The following UPF2 variants were observed in gnomAD, a reference collection of about 807,000 sequenced individuals.
UPF2 encodes the protein regulator of nonsense transcripts 2.
Under a neutral mutation model 141.4 loss-of-function variants are expected in UPF2, and 17 were observed. The observed-to-expected ratio is 0.12, with a 90% CI of 0.08 to 0.18. The LOEUF (loss-of-function observed/expected upper bound fraction) is 0.18, where lower values mean the gene tolerates loss of function less well. UPF2 is among the 10% of genes least tolerant of loss of function. UPF2 has a pLI of 1.00. For synonymous variants in UPF2, 540 were observed against 498.0 expected, an observed-to-expected ratio of 1.08 and a Z score of -1.12; for missense variants, 1,152 against 1,515.9, an observed-to-expected ratio of 0.76 and a Z score of 3.99.
Position 11,959,765 on chromosome 10 carries a change from A to G in UPF2, c.2185-409T>C, listed in dbSNP as rs1007673834. On this transcript the variant is annotated intron_variant, in intron 11 of 21. Coordinates refer to ENST00000357604, the MANE Select transcript of UPF2 (RefSeq NM_015542.4). This position sits in a 1 kb window ranked among gnomAD's most constrained non-coding sequence, Gnocchi z 5.9. ...AGCAAGACCCTGTCTCTTAAAAAAA[A>G]CAAAACAAAAACACACAGAGAGGTG... Among the ~76,000 whole-genome samples, 6 of 152,178 alleles carry G rather than the reference A, an allele frequency of 3.9e-5. No individual in the cohort carries two copies. Among genetic ancestry groups the G allele is most frequent in the African/African-American group, 1.4e-4 (6 of 41,434 alleles).
chr10:11,950,330 ATACTGTAT>A (rs1412697230), intron 15 of UPF2, among the ~76,000 whole-genome samples: 5 of 152,198 alleles, frequency 3.3e-5, no homozygotes, highest in Admixed American at 3.3e-4. Flanking sequence ...CAAAGGCACA[ATACTGTAT>A]TATCTTTTGG....
At position 11,955,301 on chromosome 10, in the gene UPF2, G is replaced by A. The variant is rs142351390; in HGVS notation, c.2781C>T (p.Asp927=). Reference sequence around the variant, plus strand: ...CTCTGTCAAAGTACTGGCCACATGTGTCCAGAATAGTGCATACGAGTCTAA... The same window carrying A: ...CTCTGTCAAAGTACTGGCCACATGTATCCAGAATAGTGCATACGAGTCTAA... The part of the protein sequence containing the change: ...FRIRLVCTIL[D]TCGQYFDRGS... Residue 927 remains aspartate (D), a synonymous_variant, in exon 14 of 22, where the codon GAC becomes GAT. Coordinates refer to ENST00000357604, the MANE Select transcript of UPF2 (RefSeq NM_015542.4). The A allele has an allele frequency of 1.0e-4, 167 of 1,614,124 alleles. 1 individual carries two copies. The African/African-American group carries it at 1.9e-3, about 19-fold the overall frequency.
intron 3 of UPF2, among the ~76,000 whole-genome samples, chr10:12,021,849 A>C (rs1490453537): frequency 2.6e-5 from 4 of 152,160 alleles, no homozygotes; most frequent in Non-Finnish European, 5.9e-5. Flanking sequence ...CCTCAGAATT[A>C]TCTTAGATTT....
rs748256304 is a variant in UPF2 at position 11,952,103 on chromosome 10, C to T, written c.2997G>A (p.Gln999=). The T allele has an allele frequency of 1.2e-6, 2 of 1,614,008 alleles. No individual in the cohort carries two copies. The highest frequency in any genetic ancestry group is 8.5e-7 in the Non-Finnish European group (1 of 1,179,944). The change falls in exon 15 of 22, where the codon CAG becomes CAA. Residue 999 remains glutamine, a synonymous_variant. Coordinates refer to ENST00000357604, the MANE Select transcript of UPF2 (RefSeq NM_015542.4). ...LCNSLEESIR[Q]VQDLEREFLI... is the part of the protein sequence containing the mutation. ...AGAATTCTCGTTCCAAGTCTTGTAC[C>T]TGCCTGATGGATTCTTCCAGAGAAT...
At chr10:12,038,537 T>C (rs893509470) in intron 1 of UPF2, among the ~76,000 whole-genome samples, 2 of 152,054 alleles carry the variant, frequency 1.3e-5, no homozygotes, top group African/African-American at 4.8e-5. Flanking sequence ...AAGACCAGCC[T>C]GGCCAACATG....
chr10:11,991,790 T>G (rs944888490), intron 8 of UPF2, among the ~76,000 whole-genome samples: 2 of 152,214 alleles, frequency 1.3e-5, no homozygotes, highest in African/African-American at 4.8e-5. Context: ...GCCCCAATTC[T>G]GAACATAGAG....
intron 4 of UPF2, 128 bp from the exon 5 acceptor site, chr10:12,004,855 A>G: frequency 2.4e-6 from 2 of 850,460 alleles, no homozygotes; most frequent in Non-Finnish European, 1.8e-6. Context: ...GAACTTCTTC[A>G]ATTAACAAGC....
At chr10:12,002,344 C>T (rs1281160417) in intron 5 of UPF2, among the ~76,000 whole-genome samples, 1 of 152,076 alleles carries the variant, frequency 6.6e-6, no homozygotes, top group Non-Finnish European at 1.5e-5. Context: ...CATTTGTTAA[C>T]TGAAGAGATG....
rs1252609621 is a variant in UPF2 at position 11,956,026 on chromosome 10, A to G, written c.2574+294T>C. 6.6e-6 allele frequency among the ~76,000 whole-genome samples: 1 copy of G among 152,080 alleles called. No individual in the cohort carries two copies. The highest frequency in any genetic ancestry group is 1.5e-5 in the Non-Finnish European group (1 of 68,020). ...AGGCGTGGTGGCATGCACCTGTAGT[A>G]GTCCCAGCTACTCGGGAAGTTGAAA... On this transcript the variant is annotated intron_variant, in intron 13 of 21. Coordinates refer to ENST00000357604, the MANE Select transcript of UPF2 (RefSeq NM_015542.4). The surrounding 1 kb of genome is among the most constrained non-coding windows in gnomAD (Gnocchi z 4.2).
chr10:11,950,583 G>C (rs558524698), intron 15 of UPF2, among the ~76,000 whole-genome samples: 243 of 152,248 alleles, frequency 1.6e-3, no homozygotes, highest in African/African-American at 5.7e-3. Context: ...AAGCACAACT[G>C]TTCTCTTTTC....
chr10:11,943,785 C>T (rs1832966170), intron 16 of UPF2, among the ~76,000 whole-genome samples: 1 of 152,072 alleles, frequency 6.6e-6, no homozygotes, highest in Non-Finnish European at 1.5e-5. Flanking sequence ...TTCAGCTCCC[C>T]TAACTGGTGG....
chr10:11,953,263 G>A lies in UPF2; in HGVS notation c.2851-1014C>T, dbSNP rs1833100780. Among the ~76,000 whole-genome samples, 1 of 152,136 alleles carries A rather than the reference G, an allele frequency of 6.6e-6. No individual in the cohort carries two copies. Among genetic ancestry groups the A allele is most frequent in the Admixed American group, 6.5e-5 (1 of 15,270 alleles). ...GCTACTCCAAGTGTGGACCTCATCTGGGAGCTTCTTAGAAATGTAGAATCT... is the reference window on the plus strand; with the variant it reads ...GCTACTCCAAGTGTGGACCTCATCTAGGAGCTTCTTAGAAATGTAGAATCT... On this transcript the variant is annotated intron_variant, in intron 14 of 21. Coordinates refer to ENST00000357604, the MANE Select transcript of UPF2 (RefSeq NM_015542.4). The surrounding 1 kb of genome is among the most constrained non-coding windows in gnomAD (Gnocchi z 5.0).
rs1327066033 is a variant in UPF2 at position 11,940,928 on chromosome 10, A to G, written c.3378+1737T>C. Among the ~76,000 whole-genome samples the G allele has an allele frequency of 6.6e-6, 1 of 151,248 alleles. No homozygotes were observed. Among genetic ancestry groups the G allele is most frequent in the Non-Finnish European group, 1.5e-5 (1 of 67,906 alleles). ...ACACATTGTTCCCATCTTCCCTTAA[A>G]TTTTCACCTGGATGGATGGCTCCAC... On this transcript the variant is annotated intron_variant, in intron 18 of 21. Transcript: ENST00000357604. This position sits in a 1 kb window ranked among gnomAD's most constrained non-coding sequence, Gnocchi z 4.2.
At chr10:11,966,113 T>C (rs1833315688) in intron 10 of UPF2, among the ~76,000 whole-genome samples, 1 of 152,232 alleles carries the variant, frequency 6.6e-6, no homozygotes. Context: ...TTATGACTGA[T>C]TTTGGTAAAT....
At chr10:11,999,598 G>A (rs1833921884) in intron 7 of UPF2, among the ~76,000 whole-genome samples, 1 of 150,842 alleles carries the variant, frequency 6.6e-6, no homozygotes, top group Non-Finnish European at 1.5e-5. Context: ...AGAACCCCAG[G>A]AAGTGCCTCA....
rs1832835483 is a variant in UPF2, at chr10:11,935,281, T to C, written c.3546+1264A>G. Among the ~76,000 whole-genome samples, 1 of 152,152 alleles carries C rather than the reference T, an allele frequency of 6.6e-6. No homozygotes were observed. The highest frequency in any genetic ancestry group is 1.5e-5 in the Non-Finnish European group (1 of 68,034). On this transcript the variant is annotated intron_variant, in intron 19 of 21. Transcript: ENST00000357604. The surrounding 1 kb of genome is among the most constrained non-coding windows in gnomAD (Gnocchi z 4.9). ...TCTCATATGCCTCCCAACACCAGAA[T>C]GAAAGCTCGCAAGAGAGGAAGGACT...
At chr10:11,949,060 A>G (rs543650111) in intron 15 of UPF2, among the ~76,000 whole-genome samples, 7 of 152,328 alleles carry the variant, frequency 4.6e-5, no homozygotes, top group South Asian at 2.1e-4. Flanking sequence ...TTTTTCTTCA[A>G]TAACAGCATT....
chr10:11,985,884 C>CTTTTTTTTTA (rs1554779867), intron 8 of UPF2, among the ~76,000 whole-genome samples: 1 of 100,752 alleles, frequency 9.9e-6, no homozygotes, highest in East Asian at 3.6e-4. Context: ...TAGATCCTTC[C>CTTTTTTTTTA]TTTTTTTTTT....
intron 15 of UPF2, among the ~76,000 whole-genome samples, chr10:11,951,275 C>T (rs1405116517): frequency 6.6e-6 from 1 of 152,116 alleles, no homozygotes; most frequent in East Asian, 1.9e-4. Context: ...GTTGGCCAGG[C>T]TGGTCTCAAA....
Sources: gnomAD v4.1 joint callset for allele counts (sites outside exome capture counted in the v4.1 genomes callset) on GRCh38, gnomAD v4.1.1 for gene constraint, Gnocchi (gnomAD v3.1) non-coding constraint, MANE v1.5 for transcripts, NCBI Gene and HGNC (gene_info 2026-07-23, HGNC 2026-07-21) for gene names.